STAB2: variants seen among roughly 807,000 people sequenced by gnomAD.
The protein encoded by STAB2 is stabilin 2.
STAB2 carries 288 observed loss-of-function variants against 338.1 expected under a neutral mutation model. The ratio of observed to expected loss-of-function variants is 0.85; its 90% CI spans 0.77 to 0.94. The LOEUF is 0.94. STAB2 is among the 40% of genes least tolerant of loss of function. The pLI, the probability that STAB2 is intolerant of heterozygous loss-of-function variation, is 0.00. For synonymous variants in STAB2, 1,202 were observed against 1,193.3 expected (o/e 1.01, Z -0.15); for missense variants, 3,141 against 3,210.1 (o/e 0.98, Z 0.52).
In STAB2 at chr12:103,661,337, A is replaced by G. The variant is rs572410040; in HGVS notation, c.1869+574A>G. The stretch of plus-strand genomic sequence containing the variant: ...TATTCATCTAACTCCCTGGGGTTGC[A>G]ATATGAACAAACATCCAGCAGCACA... On this transcript the variant is annotated intron_variant, in intron 17 of 68. Coordinates refer to ENST00000388887, the MANE Select transcript of STAB2 (RefSeq NM_017564.10). Among the ~76,000 whole-genome samples, 12 of 152,336 alleles carry G rather than the reference A, an allele frequency of 7.9e-5. No individual in the cohort carries two copies. The South Asian group carries it at 2.5e-3, about 32-fold the overall frequency.
intron 9 of STAB2, among the ~76,000 whole-genome samples, chr12:103,642,348 C>G (rs139296414): frequency 1.3e-5 from 2 of 152,188 alleles, no homozygotes; most frequent in Non-Finnish European, 2.9e-5. Context: ...AGCCAGGACA[C>G]GGCTGAGTGG....
In STAB2 at chr12:103,749,994, G is replaced by A. The variant is rs76667364; in HGVS notation, c.6439-585G>A. On this transcript the variant is annotated intron_variant, in intron 59 of 68. Coordinates refer to ENST00000388887, the MANE Select transcript of STAB2 (RefSeq NM_017564.10). ...ATCTTACCTCCTGGACTGACAAGCT[G>A]TGTGACCTGGAGGTGGCTAATTACT... 5.9e-3 allele frequency among the ~76,000 whole-genome samples: 897 copies of A among 152,212 alleles called. 10 individuals are homozygous for A. The highest frequency in any genetic ancestry group is 0.02 in the African/African-American group (844 of 41,526).
chr12:103,743,385 CAAA>C (rs1668727393), intron 56 of STAB2, among the ~76,000 whole-genome samples: 1 of 151,938 alleles, frequency 6.6e-6, no homozygotes. Context: ...TTCCAGCTCT[CAAA>C]AGGCTTACAG....
At chr12:103,640,025 G>A in intron 8 of STAB2, 98 bp from the exon 9 acceptor site, 1 of 1,426,694 alleles carries the variant, frequency 7.0e-7, no homozygotes, top group Non-Finnish European at 9.4e-7. Context: ...TACTCTGAGT[G>A]AGTTTTTATG....
At chr12:103,614,069 C>G (rs1481801791) in intron 3 of STAB2, among the ~76,000 whole-genome samples, 1 of 152,100 alleles carries the variant, frequency 6.6e-6, no homozygotes, top group Non-Finnish European at 1.5e-5. Flanking sequence ...AAATCTTTGT[C>G]TACTAATAAT....
In STAB2 at chr12:103,713,703, C is replaced by A. The variant is rs1486045240; in HGVS notation, c.4472C>A (p.Thr1491Asn). Reference protein sequence around the residue: ...GCSAKADCKRTTPGRRVCTCK... With the variant: ...GCSAKADCKRNTPGRRVCTCK... The stretch of plus-strand genomic sequence containing the variant: ...TCTGCCAAGGCTGACTGTAAGAGAA[C>A]CACCCCAGGAAGGCGAGTGTGCACG... Residue 1491 changes from threonine to asparagine, a missense_variant, in exon 42 of 69, where the codon ACC (threonine) becomes AAC (asparagine). Physicochemically the swap from Thr to Asn is moderately conservative, Grantham distance 65. Coordinates refer to ENST00000388887, the MANE Select transcript of STAB2 (RefSeq NM_017564.10). The A allele has an allele frequency of 6.2e-7, 1 of 1,614,104 alleles. No individual in the cohort carries two copies. The highest frequency in any genetic ancestry group is 1.7e-5 in the Admixed American group (1 of 60,020).
chr12:103,725,167 G>A (rs1194955166), intron 45 of STAB2, 73 bp downstream of exon 45: 18 of 1,561,650 alleles, frequency 1.2e-5, no homozygotes, highest in South Asian at 2.3e-5. Context: ...TAGCTAAGGA[G>A]TATTTAAGAG....
intron 12 of STAB2, among the ~76,000 whole-genome samples, chr12:103,653,532 A>G (rs1014403115): frequency 1.0e-5 from 1 of 96,446 alleles, no homozygotes; most frequent in African/African-American, 3.3e-5. Flanking sequence ...TGGATGATGC[A>G]TGGATGGATG....
chr12:103,605,032 A>T (rs1176496919), intron 3 of STAB2, among the ~76,000 whole-genome samples: 1 of 151,824 alleles, frequency 6.6e-6, no homozygotes, highest in African/African-American at 2.4e-5. Context: ...TAAATGTTGA[A>T]ATGTTGTGTT....
At position 103,666,335 on chromosome 12, in the gene STAB2, T is replaced by C. The variant is rs772188036; in HGVS notation, c.2067T>C (p.Pro689=). 1 of 1,614,204 alleles carries C rather than the reference T, an allele frequency of 6.2e-7. No homozygotes were observed. The highest frequency in any genetic ancestry group is 1.7e-5 in the Admixed American group (1 of 60,036). Residue 689 remains proline (P), a synonymous_variant, in exon 19 of 69, where the codon CCT becomes CCC. Transcript: ENST00000388887. ...CTCTGGTGTACTGGAGCAGATGTCC[T>C]GCTAACTCTGAGCCCACAGTGAGTG... The part of the protein sequence containing the change: ...SCSLVYWSRC[P]ANSEPTALFT...
At chr12:103,610,649 C>T (rs1169906812) in intron 3 of STAB2, among the ~76,000 whole-genome samples, 1 of 152,174 alleles carries the variant, frequency 6.6e-6, no homozygotes, top group African/African-American at 2.4e-5. Context: ...CTCCTGGATT[C>T]ATTAATTTTT....
chr12:103,686,008 T>C (rs1297206966), intron 27 of STAB2, among the ~76,000 whole-genome samples: 2 of 152,212 alleles, frequency 1.3e-5, no homozygotes, highest in Non-Finnish European at 2.9e-5. Context: ...TGAGAACTTG[T>C]GATATTTGTC....
At chr12:103,637,356 G>C (rs1957564862) in intron 7 of STAB2, 120 bp downstream of exon 7, 2 of 1,348,806 alleles carry the variant, frequency 1.5e-6, no homozygotes, top group African/African-American at 3.0e-5. Context: ...CTGTGTAGTT[G>C]AGTGAAACGT....
intron 63 of STAB2, among the ~76,000 whole-genome samples, chr12:103,755,984 T>C (rs1456795984): frequency 6.6e-6 from 1 of 152,220 alleles, no homozygotes; most frequent in East Asian, 1.9e-4. Context: ...GATCATTAAA[T>C]GAGTTAATAG....
At chr12:103,688,357 G>GT (rs1877620633) in intron 28 of STAB2, 142 bp downstream of exon 28, 1 of 795,080 alleles carries the variant, frequency 1.3e-6, no homozygotes, top group Non-Finnish European at 2.1e-6. Flanking sequence ...TGGCTGCACT[G>GT]TGGAACCACA....
At chr12:103,762,548 C>A in intron 67 of STAB2, 146 bp downstream of exon 67, 1 of 1,216,228 alleles carries the variant, frequency 8.2e-7, no homozygotes. Context: ...ACCCACCCCA[C>A]GCTTACTGCT....
At chr12:103,714,411 T>G (rs145720786) in intron 42 of STAB2, among the ~76,000 whole-genome samples, 5 of 152,326 alleles carry the variant, frequency 3.3e-5, no homozygotes, top group Admixed American at 2.6e-4. Flanking sequence ...TATTAACATT[T>G]AGCCCTGGCT....
At chr12:103,610,261 G>A (rs1957100954) in intron 3 of STAB2, among the ~76,000 whole-genome samples, 1 of 152,168 alleles carries the variant, frequency 6.6e-6, no homozygotes, top group Non-Finnish European at 1.5e-5. Context: ...CAGAAGGAAT[G>A]GTACCAACTC....
intron 1 of STAB2, among the ~76,000 whole-genome samples, chr12:103,588,551 CAG>C (rs1413962699): frequency 1.3e-5 from 2 of 152,086 alleles, no homozygotes; most frequent in African/African-American, 2.4e-5. Context: ...TGCATTCACA[CAG>C]AAATCAGACC....
Sources: gnomAD v4.1 joint callset for allele counts (sites outside exome capture counted in the v4.1 genomes callset) on GRCh38, gnomAD v4.1.1 for gene constraint, MANE v1.5 for transcripts, NCBI Gene and HGNC (gene_info 2026-07-23, HGNC 2026-07-21) for gene names.